Variants in CUL1 observed in about 807,000 individuals in gnomAD.
CUL1 encodes the protein cullin 1, also known as cullin-1.
CUL1 carries 24 observed loss-of-function variants against 118.0 expected under a neutral mutation model. The ratio of observed to expected loss-of-function variants is 0.20; its 90% CI spans 0.15 to 0.29. CUL1 has a LOEUF of 0.29. Ranked by LOEUF, CUL1 falls within the 10% of genes least tolerant of loss-of-function variation. The probability of loss-of-function intolerance (pLI) is 1.00; values close to 1 mark genes in which losing one functional copy is unlikely to be tolerated. For synonymous variants in CUL1, 332 were observed against 340.4 expected, an observed-to-expected ratio of 0.98 and a Z score of 0.27; for missense variants, 361 against 933.8, an observed-to-expected ratio of 0.39 and a Z score of 7.99.
intron 1 of CUL1, among the ~76,000 whole-genome samples, chr7:148,728,430 A>G (rs1482452395): frequency 6.6e-6 from 1 of 152,234 alleles, no homozygotes; most frequent in Admixed American, 6.5e-5. Context: ...TGATGGGGAA[A>G]GTAGGGTAGG....
intron 4 of CUL1, 31 bp from the exon 5 acceptor site, chr7:148,759,273 G>A: frequency 6.2e-7 from 1 of 1,601,150 alleles, no homozygotes; most frequent in Non-Finnish European, 8.6e-7. Flanking sequence ...CATGGTAAAA[G>A]TATAGACATT....
At chr7:148,737,576 A>ATATTTATTTATT (rs200912415) in intron 2 of CUL1, among the ~76,000 whole-genome samples, 84 of 127,002 alleles carry the variant, frequency 6.6e-4, no homozygotes, top group Middle Eastern at 7.5e-3. Flanking sequence ...ATATATTTTT[A>ATATTTATTTATT]TATTTATTTA....
At chr7:148,759,847 A>G (rs1444033011) in intron 6 of CUL1, among the ~76,000 whole-genome samples, 1 of 152,128 alleles carries the variant, frequency 6.6e-6, no homozygotes, top group Non-Finnish European at 1.5e-5. Flanking sequence ...CCTTAAGGAA[A>G]TTTTGATGAA....
At chr7:148,778,489 G>T (rs1563166769) in intron 9 of CUL1, among the ~76,000 whole-genome samples, 1 of 152,100 alleles carries the variant, frequency 6.6e-6, no homozygotes, top group Non-Finnish European at 1.5e-5. Flanking sequence ...TTGCTTCTCT[G>T]TGTTTTGCAT....
intron 9 of CUL1, among the ~76,000 whole-genome samples, chr7:148,771,072 ACTAC>A (rs1800192394): frequency 6.6e-6 from 1 of 152,250 alleles, no homozygotes; most frequent in Non-Finnish European, 1.5e-5. Flanking sequence ...CATAGAAGGC[ACTAC>A]CTAAGTGATT....
chr7:148,775,675 C>T (rs141867715), intron 9 of CUL1, among the ~76,000 whole-genome samples: 31 of 152,152 alleles, frequency 2.0e-4, no homozygotes, highest in African/African-American at 6.7e-4. Flanking sequence ...TCATATAGCA[C>T]GTAGCTAAAT....
At chr7:148,790,207 C>A (rs1800958216) in intron 15 of CUL1, 103 bp from the exon 16 acceptor site, 2 of 1,277,232 alleles carry the variant, frequency 1.6e-6, no homozygotes, top group Non-Finnish European at 2.2e-6. Context: ...TATGTAAGCA[C>A]TGACTTTGTA....
Position 148,701,617 on chromosome 7 carries a change from A to G in CUL1, c.-162+2588A>G, listed in dbSNP as rs116252533. The stretch of plus-strand genomic sequence containing the variant: ...TGGTAGTTAAGGCTCCTCCTTGTAG[A>G]TGAGGCAAGCCCCATGGTTCTGCTG... On this transcript the variant is annotated intron_variant, in intron 1 of 21. Transcript: ENST00000325222. 2.5e-3 allele frequency among the ~76,000 whole-genome samples: 374 copies of G among 152,252 alleles called. 2 individuals carry two copies. The highest frequency in any genetic ancestry group is 8.4e-3 in the African/African-American group (349 of 41,544).
At chr7:148,759,982 G>A (rs2129460529) in intron 6 of CUL1, among the ~76,000 whole-genome samples, 1 of 152,104 alleles carries the variant, frequency 6.6e-6, no homozygotes, top group Non-Finnish European at 1.5e-5. Context: ...AACTGATAAA[G>A]TAATACAATG....
chr7:148,796,229 C>G (rs185983321), intron 17 of CUL1, among the ~76,000 whole-genome samples: 227 of 152,202 alleles, frequency 1.5e-3, no homozygotes, highest in African/African-American at 5.2e-3. Context: ...AATGCTTTTT[C>G]TACTCTGTCA....
rs2129459604 is a variant in CUL1, at chr7:148,730,067, T to C, written c.-56T>C. 1.3e-6 allele frequency: 2 copies of C among 1,566,124 alleles called. 1 individual carries two copies. ...TGTATATTTTCATCTAATGGAGAACTAGCTGTACTTTGAATAAGGATTGCT... is the reference window on the plus strand; with the variant it reads ...TGTATATTTTCATCTAATGGAGAACCAGCTGTACTTTGAATAAGGATTGCT... On this transcript the variant is annotated 5_prime_UTR_variant, in exon 2 of 22. An upstream open reading frame in the 5' UTR loses its in-frame stop. Transcript: ENST00000325222.
chr7:148,702,369 GGGCATATATTTCCTC>G (rs1326580550), intron 1 of CUL1, among the ~76,000 whole-genome samples: 4 of 152,196 alleles, frequency 2.6e-5, no homozygotes, highest in African/African-American at 9.6e-5. Flanking sequence ...TACCTTTGCA[GGGCATATATTTCCTC>G]GTTTTTAAAA....
intron 2 of CUL1, among the ~76,000 whole-genome samples, chr7:148,742,153 A>G (rs1202996965): frequency 2.0e-5 from 3 of 152,162 alleles, no homozygotes; most frequent in Non-Finnish European, 4.4e-5. Flanking sequence ...TGGGATTCTG[A>G]TAGGGATTAC....
intron 14 of CUL1, among the ~76,000 whole-genome samples, chr7:148,789,316 T>TG (rs1800930920): frequency 6.6e-6 from 1 of 152,214 alleles, no homozygotes; most frequent in African/African-American, 2.4e-5. Context: ...ATGTGTGGCG[T>TG]TTCCCAGTAA....
At chr7:148,744,724 T>G (rs1799255452) in intron 2 of CUL1, among the ~76,000 whole-genome samples, 1 of 152,232 alleles carries the variant, frequency 6.6e-6, no homozygotes. Flanking sequence ...TCTTCATTCC[T>G]TCCTAAAGAT....
rs879272480 is a variant in CUL1, at chr7:148,711,543, T to C, written c.-162+12514T>C. ...AAAAACATAAAAGCCCTAAATCAAA[T>C]AAAGAGCACGGTAGCGCCGTTTCTC... On this transcript the variant is annotated intron_variant, in intron 1 of 21. Coordinates refer to ENST00000325222, the MANE Select transcript of CUL1 (RefSeq NM_003592.3). 7.9e-5 allele frequency among the ~76,000 whole-genome samples: 12 copies of C among 152,170 alleles called. 1 individual carries two copies. The highest frequency in any genetic ancestry group is 7.9e-4 in the Admixed American group (12 of 15,286).
At chr7:148,757,194 TG>T (rs754510206) in intron 4 of CUL1, 44 bp downstream of exon 4, 57 of 1,341,672 alleles carry the variant, frequency 4.2e-5, no homozygotes, top group African/African-American at 1.9e-4. Flanking sequence ...TTTTTGTTTT[TG>T]TTTTTTTTAA....
intron 12 of CUL1, 105 bp from the exon 13 acceptor site, chr7:148,786,884 C>T: frequency 6.8e-7 from 1 of 1,478,660 alleles, no homozygotes; most frequent in Non-Finnish European, 9.1e-7. Flanking sequence ...CTGCCCAAAG[C>T]CAAAGGCACA....
chr7:148,792,959 A>G lies in CUL1; in HGVS notation c.1899+141A>G, dbSNP rs1584822868. ...GCCTCATGAATATGAATATGGCCTT[A>G]TTCCAGGATTTTAATACGCACTACA... On this transcript the variant is annotated intron_variant, in intron 17 of 21. Transcript: ENST00000325222. 36 of 591,302 alleles carry G rather than the reference A, an allele frequency of 6.1e-5. No individual in the cohort carries two copies. The East Asian group carries it at 1.0e-3, about 17-fold the overall frequency. 36.6% of individuals were successfully genotyped at this position (591,302 alleles called of 1,614,324 possible).
Sources: allele counts gnomAD v4.1 joint callset (sites outside exome capture counted in the v4.1 genomes callset), GRCh38; gene constraint gnomAD v4.1.1; transcripts MANE v1.5; gene names NCBI Gene and HGNC (gene_info 2026-07-23, HGNC 2026-07-21).